HMG20A: variants seen among roughly 807,000 people sequenced by gnomAD.
The protein encoded by HMG20A is high mobility group protein 20A.
HMG20A carries 17 observed loss-of-function variants against 43.9 expected under a neutral mutation model. That is an observed-to-expected ratio of 0.39 (90% CI 0.27 to 0.58). HMG20A has a LOEUF of 0.58. Ranked by LOEUF, HMG20A falls within the 20% of genes least tolerant of loss-of-function variation. The pLI is 0.59. For missense variants in HMG20A, 341 were observed against 438.2 expected, an observed-to-expected ratio of 0.78 and a Z score of 1.98; for synonymous variants, 132 against 147.5, an observed-to-expected ratio of 0.89 and a Z score of 0.76.
intron 8 of HMG20A, 100 bp from the exon 9 acceptor site, chr15:77,479,079 G>A: frequency 1.8e-6 from 2 of 1,125,006 alleles, no homozygotes; most frequent in Non-Finnish European, 2.7e-6. Context: ...AAGCATGTCT[G>A]TGGAGCAGAC....
At chr15:77,498,088 C>G in the HMG20A span, among the ~76,000 whole-genome samples, 2 of 152,160 alleles carry the variant, frequency 1.3e-5, no homozygotes, top group Admixed American at 1.3e-4. Context: ...GCTGCATCCC[C>G]CAGGCCCCTC....
At chr15:77,423,037 A>G (rs1297132763) in intron 1 of HMG20A, among the ~76,000 whole-genome samples, 1 of 152,238 alleles carries the variant, frequency 6.6e-6, no homozygotes, top group Non-Finnish European at 1.5e-5. Flanking sequence ...ATATCATGTT[A>G]AAATACTGAT....
the HMG20A span, among the ~76,000 whole-genome samples, chr15:77,505,523 A>G: frequency 6.6e-6 from 1 of 152,156 alleles, no homozygotes; most frequent in African/African-American, 2.4e-5. Context: ...TACGCCTCCC[A>G]TGCAGGAGAA....
intron 4 of HMG20A, 121 bp from the exon 5 acceptor site, chr15:77,470,789 C>T: frequency 3.8e-6 from 3 of 780,750 alleles, no homozygotes; most frequent in Non-Finnish European, 5.7e-6. Context: ...TTTTTTAAGG[C>T]ATATTCCCTA....
chr15:77,506,252 A>C, the HMG20A span, among the ~76,000 whole-genome samples: 2 of 152,116 alleles, frequency 1.3e-5, no homozygotes, highest in Admixed American at 6.5e-5. Flanking sequence ...CCCCGATCCC[A>C]GCCAAGCCGT....
chr15:77,495,815 G>A, the HMG20A span, among the ~76,000 whole-genome samples: 1 of 152,080 alleles, frequency 6.6e-6, no homozygotes, highest in Admixed American at 6.5e-5. Flanking sequence ...CCTCATCCAA[G>A]GACTTGTGTA....
At chr15:77,498,330 C>A in the HMG20A span, among the ~76,000 whole-genome samples, 1 of 152,164 alleles carries the variant, frequency 6.6e-6, no homozygotes, top group African/African-American at 2.4e-5. Context: ...CCAGCTCTTG[C>A]TCAGCTAGTT....
chr15:77,424,787 G>A (rs550548733), intron 1 of HMG20A, among the ~76,000 whole-genome samples: 11 of 152,136 alleles, frequency 7.2e-5, no homozygotes, highest in Non-Finnish European at 1.5e-4. Flanking sequence ...AAAGTTTCAA[G>A]AAAAGGAATC....
At chr15:77,478,128 C>T (rs1246747318) in intron 7 of HMG20A, 167 bp from the exon 8 acceptor site, 5 of 626,690 alleles carry the variant, frequency 8.0e-6, no homozygotes, top group Admixed American at 2.6e-5. Context: ...GGGAGTCAGG[C>T]GTTTCATTGC....
intron 1 of HMG20A, 103 bp from the exon 2 acceptor site, chr15:77,458,301 T>C: frequency 1.4e-6 from 1 of 702,968 alleles, no homozygotes; most frequent in South Asian, 1.8e-5. Context: ...TTTTATTCTG[T>C]TGCTTATATG....
intron 1 of HMG20A, 61 bp downstream of exon 1, chr15:77,421,065 A>G: frequency 2.5e-6 from 1 of 396,854 alleles, no homozygotes; most frequent in Non-Finnish European, 4.4e-6. Flanking sequence ...CCCCTTGAAG[A>G]TCACCCCTCT....
At chr15:77,474,867 G>A (rs572058005) in intron 6 of HMG20A, among the ~76,000 whole-genome samples, 1 of 152,048 alleles carries the variant, frequency 6.6e-6, no homozygotes, top group Non-Finnish European at 1.5e-5. Context: ...CAGCAAAATA[G>A]GTTCAGTTCA....
chr15:77,478,660 T>C (rs993258518), intron 8 of HMG20A, 150 bp downstream of exon 8: 6 of 665,806 alleles, frequency 9.0e-6, no homozygotes, highest in African/African-American at 1.8e-5. Flanking sequence ...CTGGATATAA[T>C]AGAATGTCAG....
the HMG20A span, among the ~76,000 whole-genome samples, chr15:77,501,282 C>G: frequency 1.3e-5 from 2 of 152,176 alleles, no homozygotes; most frequent in Non-Finnish European, 2.9e-5. Flanking sequence ...CACCTCCACT[C>G]TCTCTGATTT....
chr15:77,423,529 C>T (rs530510319), intron 1 of HMG20A, among the ~76,000 whole-genome samples: 4 of 152,204 alleles, frequency 2.6e-5, no homozygotes, highest in African/African-American at 9.6e-5. Context: ...ATATATGTAA[C>T]AAAGAAAGTG....
chr15:77,465,123 G>T (rs943993560), intron 3 of HMG20A, among the ~76,000 whole-genome samples: 1 of 151,750 alleles, frequency 6.6e-6, no homozygotes, highest in African/African-American at 2.4e-5. Flanking sequence ...TTAGCCAGGT[G>T]CAGTGGTGTG....
At chr15:77,519,766 C>G in the HMG20A span, among the ~76,000 whole-genome samples, 4,846 of 152,260 alleles carry the variant, frequency 0.032, 114 homozygotes, top group Non-Finnish European at 0.047. Flanking sequence ...AAAGGACTGA[C>G]AGGTCAGTGT....
chr15:77,458,360 A>G (rs539940602), intron 1 of HMG20A, 44 bp from the exon 2 acceptor site: 1 of 1,263,548 alleles, frequency 7.9e-7, no homozygotes, highest in Admixed American at 1.8e-5. Context: ...TTGAAATGGA[A>G]GTAATTAAGC....
the HMG20A span, among the ~76,000 whole-genome samples, chr15:77,519,781 T>C: frequency 6.6e-6 from 1 of 152,202 alleles, no homozygotes. Flanking sequence ...CAGTGTCACA[T>C]AACTCACCCA....
Sources: allele counts gnomAD v4.1 joint callset (sites outside exome capture counted in the v4.1 genomes callset), GRCh38; gene constraint gnomAD v4.1.1; transcripts MANE v1.5; gene names NCBI Gene and HGNC (gene_info 2026-07-23, HGNC 2026-07-21).